Variants in FAXC observed in about 807,000 individuals in gnomAD.
FAXC encodes failed axon connections homolog, metaxin like GST domain containing, also known as failed axon connections homolog.
A neutral mutation model predicts 41.9 loss-of-function variants in FAXC; 10 were observed. The observed-to-expected ratio is 0.24, with a 90% CI of 0.15 to 0.41. The LOEUF (loss-of-function observed/expected upper bound fraction) is 0.41. Among genes scored for constraint, FAXC ranks in the 10% least tolerant of loss-of-function variants. The pLI, the probability that FAXC is intolerant of heterozygous loss-of-function variation, is 1.00. For synonymous variants in FAXC, 183 were observed against 183.8 expected (o/e 1.00, Z 0.03); for missense variants, 399 against 510.9 (o/e 0.78, Z 2.11).
intron 4 of FAXC, among the ~76,000 whole-genome samples, chr6:99,301,656 C>A (rs126854): frequency 0.87 from 133,095 of 152,170 alleles, 58,691 homozygotes; most frequent in East Asian, 1. Flanking sequence ...AGATGAGAAT[C>A]CTCCTGCTAA....
At chr6:99,348,612 G>A (rs1317333472) in intron 1 of FAXC, among the ~76,000 whole-genome samples, 1 of 152,148 alleles carries the variant, frequency 6.6e-6, no homozygotes, top group Non-Finnish European at 1.5e-5. Flanking sequence ...ACTACACTTG[G>A]TCATGCATCT....
rs1056468323 is a variant in FAXC at position 99,280,007 on chromosome 6, T to C, written c.*1157A>G. 4 of 152,340 alleles carry C rather than the reference T, an allele frequency of 2.6e-5. No individual in the cohort carries two copies. The highest frequency in any genetic ancestry group is 3.4e-3 in the Middle Eastern group (1 of 294). 9.4% of individuals were successfully genotyped at this position (152,340 alleles called of 1,614,324 possible). A position where few individuals can be genotyped will look rare whatever the true frequency, so the allele number is the denominator to read the frequency against. On this transcript the variant is annotated 3_prime_UTR_variant, in exon 6 of 6. Coordinates refer to ENST00000389677, the MANE Select transcript of FAXC (RefSeq NM_032511.4). Reference sequence around the variant, plus strand: ...GTTGGCAGGCTTCTGCTTATAAAAATCAATGAAATACTTTCCCTTCAACTC... The same window carrying C: ...GTTGGCAGGCTTCTGCTTATAAAAACCAATGAAATACTTTCCCTTCAACTC...
intron 4 of FAXC, among the ~76,000 whole-genome samples, chr6:99,312,224 T>A (rs929086913): frequency 9.2e-5 from 14 of 152,016 alleles, no homozygotes; most frequent in Non-Finnish European, 1.5e-5. Context: ...AACCAAACCA[T>A]TAGAAGAGGG....
intron 4 of FAXC, among the ~76,000 whole-genome samples, chr6:99,298,742 T>C (rs1771588754): frequency 6.6e-6 from 1 of 152,236 alleles, no homozygotes; most frequent in African/African-American, 2.4e-5. Context: ...AGAGCTATAA[T>C]AGTGATTAAA....
At chr6:99,325,681 C>G (rs931790852) in intron 3 of FAXC, among the ~76,000 whole-genome samples, 1 of 152,144 alleles carries the variant, frequency 6.6e-6, no homozygotes, top group African/African-American at 2.4e-5. Context: ...TTCACGTTCC[C>G]TTAGAATAAT....
intron 4 of FAXC, among the ~76,000 whole-genome samples, chr6:99,311,847 G>A (rs781204410): frequency 5.3e-5 from 8 of 152,064 alleles, no homozygotes; most frequent in Admixed American, 1.3e-4. Context: ...CTTCCTCTCT[G>A]TCTCTTCTCC....
intron 4 of FAXC, among the ~76,000 whole-genome samples, chr6:99,305,883 G>A (rs191628722): frequency 6.6e-6 from 1 of 152,152 alleles, no homozygotes; most frequent in African/African-American, 2.4e-5. Flanking sequence ...GGCTCTGGGT[G>A]AGTGGGATAC....
intron 1 of FAXC, among the ~76,000 whole-genome samples, chr6:99,345,704 T>A (rs1408251471): frequency 6.6e-6 from 1 of 152,234 alleles, no homozygotes; most frequent in East Asian, 1.9e-4. Flanking sequence ...CAGATGTTGA[T>A]TCGCCAACTA....
intron 3 of FAXC, 70 bp downstream of exon 3, chr6:99,333,281 A>G: frequency 2.3e-6 from 3 of 1,303,894 alleles, no homozygotes; most frequent in Non-Finnish European, 3.2e-6. Flanking sequence ...CGGTGGAAAG[A>G]GGATCTGAAA....
intron 5 of FAXC, among the ~76,000 whole-genome samples, chr6:99,285,241 T>C (rs1489309987): frequency 1.3e-5 from 2 of 152,164 alleles, no homozygotes; most frequent in Admixed American, 6.6e-5. Flanking sequence ...TGTAAAGATA[T>C]ATGTACATGG....
rs898204636 is a variant in FAXC at position 99,277,939 on chromosome 6, T to C, written c.*3225A>G. 1.3e-5 allele frequency: 2 copies of C among 152,196 alleles called. No homozygotes were observed. Among genetic ancestry groups the C allele is most frequent in the South Asian group, 2.1e-4 (1 of 4,824 alleles). 9.4% of individuals were successfully genotyped at this position (152,196 alleles called of 1,614,324 possible). ...TATACATTTCTATGACTCTACATTA[T>C]CTCTCAAACAAATCTAAGCAAGACC... is the stretch of plus-strand genomic sequence containing the variant. On this transcript the variant is annotated 3_prime_UTR_variant, in exon 6 of 6. Coordinates refer to ENST00000389677, the MANE Select transcript of FAXC (RefSeq NM_032511.4).
At chr6:99,335,487 T>G (rs2128463389) in intron 2 of FAXC, among the ~76,000 whole-genome samples, 1 of 152,318 alleles carries the variant, frequency 6.6e-6, no homozygotes, top group East Asian at 1.9e-4. Flanking sequence ...AAACCTTTCG[T>G]AAGCAACTTC....
intron 5 of FAXC, among the ~76,000 whole-genome samples, chr6:99,285,247 C>T (rs1214543039): frequency 6.6e-6 from 1 of 152,042 alleles, no homozygotes; most frequent in Non-Finnish European, 1.5e-5. Flanking sequence ...GATATATGTA[C>T]ATGGATATCA....
chr6:99,294,362 G>A (rs1477810414), intron 4 of FAXC, among the ~76,000 whole-genome samples: 5 of 152,212 alleles, frequency 3.3e-5, no homozygotes, highest in African/African-American at 4.8e-5. Flanking sequence ...CAGGCAGAGG[G>A]AAACTGCACA....
chr6:99,276,197 T>C lies in FAXC; in HGVS notation c.*4967A>G, dbSNP rs900883362. On this transcript the variant is annotated 3_prime_UTR_variant, in exon 6 of 6. Coordinates refer to ENST00000389677, the MANE Select transcript of FAXC (RefSeq NM_032511.4). ...AAGAAAGAAGAATAACCTGAGTTGT[T>C]CCCTATCAACAAAAGCCACCAACCT... is the stretch of plus-strand genomic sequence containing the variant. The C allele has an allele frequency of 2.6e-5, 4 of 151,724 alleles. No individual in the cohort carries two copies. Among genetic ancestry groups the C allele is most frequent in the Non-Finnish European group, 5.9e-5 (4 of 67,970 alleles). The allele number at this position is 151,724 out of a possible 1,614,324, so 9.4% of individuals were successfully genotyped here. A position where few individuals can be genotyped will look rare whatever the true frequency, so the allele number is the denominator to read the frequency against.
intron 4 of FAXC, among the ~76,000 whole-genome samples, chr6:99,312,529 A>G (rs142667992): frequency 3.8e-4 from 58 of 152,318 alleles, no homozygotes; most frequent in African/African-American, 1.4e-3. Context: ...CATGTTGTGT[A>G]CCCGTTAAAC....
chr6:99,301,626 T>C (rs1045688920), intron 4 of FAXC, among the ~76,000 whole-genome samples: 2 of 152,198 alleles, frequency 1.3e-5, no homozygotes, highest in Non-Finnish European at 2.9e-5. Context: ...TTGGAATAGA[T>C]CCTGGTTTCT....
chr6:99,341,991 G>A (rs954142499), intron 2 of FAXC, among the ~76,000 whole-genome samples: 1 of 152,202 alleles, frequency 6.6e-6, no homozygotes, highest in Non-Finnish European at 1.5e-5. Context: ...AAAATACATA[G>A]AATTGAATGA....
chr6:99,322,709 T>C (rs1278971787), intron 4 of FAXC, among the ~76,000 whole-genome samples: 1 of 152,162 alleles, frequency 6.6e-6, no homozygotes, highest in East Asian at 1.9e-4. Flanking sequence ...TGAATTGTCA[T>C]CGCTATGAAT....
Sources: allele counts gnomAD v4.1 joint callset (sites outside exome capture counted in the v4.1 genomes callset), GRCh38; gene constraint gnomAD v4.1.1; transcripts MANE v1.5; gene names NCBI Gene and HGNC (gene_info 2026-07-23, HGNC 2026-07-21).